Variants in RP1 observed in about 807,000 individuals in gnomAD.
RP1 encodes the protein RP1 axonemal microtubule associated, also known as oxygen-regulated protein 1.
A neutral mutation model predicts 14.8 loss-of-function variants in RP1; 16 were observed. The observed-to-expected ratio is 1.08, with a 90% CI of 0.73 to 1.65. RP1 has a LOEUF of 1.65. Ranked by LOEUF, RP1 falls within the 40% of genes most tolerant of loss-of-function variation. The pLI is 0.00. For missense variants in RP1, 2,631 were observed against 2,535.0 expected (o/e 1.04, Z -0.81); for synonymous variants, 876 against 883.6 (o/e 0.99, Z 0.15).
intron 12 of RP1, among the ~76,000 whole-genome samples, chr8:54,683,995 GTTTTT>G (rs35978244): frequency 7.6e-6 from 1 of 132,046 alleles, no homozygotes; most frequent in Admixed American, 7.6e-5. Context: ...TTGCTTGAGA[GTTTTT>G]TTTTTTTTTT....
In RP1 at chr8:54,626,707, C is replaced by T. The variant is rs112323560; in HGVS notation, c.2825C>T (p.Thr942Met). 7.2e-5 allele frequency: 117 copies of T among 1,613,846 alleles called. No homozygotes were observed. Among genetic ancestry groups the T allele is most frequent in the African/African-American group, 3.1e-4 (23 of 74,998 alleles). The change falls in exon 4 of 4, where the codon ACG becomes ATG. Residue 942 changes from threonine to methionine, a missense_variant. Coordinates refer to ENST00000220676, the MANE Select transcript of RP1 (RefSeq NM_006269.2). ...TCAGCTCCAGTATGTAGAAATGAAA[C>T]GAGTGTGGTAAATTGTAGCAATAAT... ...IKSAPVCRNETSVVNCSNNSF... is the reference protein window; with the variant it reads ...IKSAPVCRNEMSVVNCSNNSF...
At chr8:54,776,615 G>A (rs1455141461) in intron 23 of RP1, among the ~76,000 whole-genome samples, 1 of 152,196 alleles carries the variant, frequency 6.6e-6, no homozygotes, top group East Asian at 1.9e-4. Context: ...TTCCATATAA[G>A]CCAAGATAAG....
rs115006629 is a variant in RP1, at chr8:54,587,383, G to A, written c.-13+28063G>A. Among the ~76,000 whole-genome samples the A allele has an allele frequency of 1.1e-3, 166 of 148,554 alleles. 2 individuals are homozygous for A. The highest frequency in any genetic ancestry group is 4.1e-3 in the African/African-American group (163 of 40,020). ...GGAGGTTGTAGTGAGCCGAGATTGT[G>A]TCACTGCACTCCAGCCTAGCTGACA... On this transcript the variant is annotated intron_variant, in intron 1 of 22. Transcript: ENST00000636932.
chr8:54,834,898 A>ATCT (rs1213803331), intron 24 of RP1, among the ~76,000 whole-genome samples: 20 of 152,282 alleles, frequency 1.3e-4, no homozygotes, highest in Admixed American at 1.0e-3. Flanking sequence ...GAATTCAGTG[A>ATCT]TCACAAAGCT....
chr8:54,676,214 G>T (rs1436672164), intron 8 of RP1, among the ~76,000 whole-genome samples: 1 of 152,164 alleles, frequency 6.6e-6, no homozygotes, highest in African/African-American at 2.4e-5. Flanking sequence ...ACATATTCAG[G>T]ACTTAATGAA....
At chr8:54,659,226 G>C (rs1176410004) in intron 6 of RP1, among the ~76,000 whole-genome samples, 1 of 152,048 alleles carries the variant, frequency 6.6e-6, no homozygotes, top group Non-Finnish European at 1.5e-5. Context: ...TTTTAAGTTT[G>C]ATGTAGCCCC....
intron 1 of RP1, among the ~76,000 whole-genome samples, chr8:54,597,134 T>G (rs150121395): frequency 2.8e-4 from 43 of 152,316 alleles, no homozygotes; most frequent in African/African-American, 9.4e-4. Context: ...CAGTATGGTC[T>G]CCACACATAC....
intron 3 of RP1, among the ~76,000 whole-genome samples, chr8:54,636,020 G>A (rs1411989331): frequency 6.6e-6 from 1 of 152,072 alleles, no homozygotes; most frequent in Non-Finnish European, 1.5e-5. Context: ...TGAGCTCCCT[G>A]CTGCCTCTTT....
intron 12 of RP1, chr8:54,696,471 C>T: frequency 1.1e-6 from 1 of 885,438 alleles, no homozygotes; most frequent in Admixed American, 2.0e-5. Context: ...GCTTATCAAG[C>T]CCTCGAAGCC....
chr8:54,582,506 G>GA (rs1469987611), intron 1 of RP1, among the ~76,000 whole-genome samples: 2 of 150,812 alleles, frequency 1.3e-5, no homozygotes, highest in African/African-American at 4.9e-5. Flanking sequence ...GGTTCCATAT[G>GA]AACTTAAAAG....
At position 54,621,090 on chromosome 8, in the gene RP1, A is replaced by C. The variant is rs1482202931; in HGVS notation, c.124A>C (p.Lys42Gln). 1 of 1,614,142 alleles carries C rather than the reference A, an allele frequency of 6.2e-7. No homozygotes were observed. Among genetic ancestry groups the C allele is most frequent in the Non-Finnish European group, 8.5e-7 (1 of 1,180,018 alleles). ...PVVAKRISFY[K>Q]SGDPQFGGVR... ...TGTGGCCAAGCGAATCAGTTTCTACAAGAGCGGAGACCCCCAATTCGGCGG... is the reference window on the plus strand; with the variant it reads ...TGTGGCCAAGCGAATCAGTTTCTACCAGAGCGGAGACCCCCAATTCGGCGG... The change falls in exon 2 of 4, where the codon AAG becomes CAG. Residue 42 changes from lysine to glutamine, a missense_variant. By Grantham distance (53) the Lys-to-Gln change is moderately conservative. Coordinates refer to ENST00000220676, the MANE Select transcript of RP1 (RefSeq NM_006269.2).
intron 24 of RP1, among the ~76,000 whole-genome samples, chr8:54,804,145 G>A (rs905507321): frequency 5.6e-5 from 1 of 17,720 alleles, no homozygotes; most frequent in Non-Finnish European, 1.0e-4. Flanking sequence ...TACATATGTG[G>A]GGGGGGGCTA....
intron 12 of RP1, chr8:54,696,419 A>G: frequency 2.8e-6 from 2 of 720,892 alleles, no homozygotes; most frequent in Non-Finnish European, 4.8e-6. Context: ...AGAGCAAAGA[A>G]AAAATCCCTT....
At chr8:54,747,080 C>T (rs565619414) in intron 19 of RP1, among the ~76,000 whole-genome samples, 7 of 152,112 alleles carry the variant, frequency 4.6e-5, no homozygotes, top group Non-Finnish European at 1.0e-4. Context: ...GTCTATTTTT[C>T]CTCCATCTTA....
intron 15 of RP1, among the ~76,000 whole-genome samples, chr8:54,719,744 A>C (rs1808490364): frequency 1.3e-5 from 2 of 152,224 alleles, no homozygotes; most frequent in African/African-American, 4.8e-5. Flanking sequence ...AAATTGACTT[A>C]TGGTAAGAAT....
chr8:54,733,453 T>C (rs1808839152), intron 17 of RP1, among the ~76,000 whole-genome samples: 1 of 152,214 alleles, frequency 6.6e-6, no homozygotes, highest in Non-Finnish European at 1.5e-5. Context: ...AAAATGAATG[T>C]CAGTTCTTTC....
At chr8:54,783,527 A>G in intron 23 of RP1, 2 of 1,210,716 alleles carry the variant, frequency 1.7e-6, no homozygotes, top group African/African-American at 1.6e-5. Flanking sequence ...TTTTATATTG[A>G]TCTCCTTTTT....
At chr8:54,698,479 T>C (rs858393) in intron 12 of RP1, among the ~76,000 whole-genome samples, 126,410 of 152,224 alleles carry the variant, frequency 0.83, 53,024 homozygotes, top group African/African-American at 0.96. Flanking sequence ...GACAGTGTGG[T>C]GATTCCTCAA....
intron 18 of RP1, among the ~76,000 whole-genome samples, chr8:54,737,988 T>TA (rs988322617): frequency 8.6e-5 from 13 of 152,002 alleles, no homozygotes; most frequent in South Asian, 2.1e-4. Context: ...ATATTACATT[T>TA]AAAAAAAATC....
Sources: allele counts gnomAD v4.1 joint callset (sites outside exome capture counted in the v4.1 genomes callset), GRCh38; gene constraint gnomAD v4.1.1; transcripts MANE v1.5; gene names NCBI Gene and HGNC (gene_info 2026-07-23, HGNC 2026-07-21).